Variants in ADAMTS6 observed in about 807,000 individuals in gnomAD.
The protein encoded by ADAMTS6 is ADAM metallopeptidase with thrombospondin type 1 motif 6.
Under a neutral mutation model 144.3 loss-of-function variants are expected in ADAMTS6, and 23 were observed. The observed-to-expected ratio is 0.16, with a 90% confidence interval of 0.11 to 0.23. ADAMTS6 has a LOEUF of 0.23. ADAMTS6 is among the 10% of genes least tolerant of loss of function. The pLI is 1.00. For synonymous variants in ADAMTS6, 444 were observed against 457.5 expected, an observed-to-expected ratio of 0.97 and a Z score of 0.38; for missense variants, 999 against 1,379.6, an observed-to-expected ratio of 0.72 and a Z score of 4.37.
chr5:65,245,368 T>C (rs750710841), intron 14 of ADAMTS6, among the ~76,000 whole-genome samples: 101 of 152,096 alleles, frequency 6.6e-4, no homozygotes, highest in Non-Finnish European at 1.1e-3. Flanking sequence ...AGAAGAATCT[T>C]TTTTGTAGCT....
chr5:65,179,619 C>T (rs1033181476), intron 22 of ADAMTS6, among the ~76,000 whole-genome samples: 6 of 151,796 alleles, frequency 4.0e-5, no homozygotes, highest in South Asian at 2.1e-4. Flanking sequence ...GAAATGAATG[C>T]GGATACTGGT....
intron 21 of ADAMTS6, 82 bp downstream of exon 21, chr5:65,196,940 A>G: frequency 6.7e-7 from 1 of 1,484,310 alleles, no homozygotes; most frequent in Non-Finnish European, 9.0e-7. Flanking sequence ...CTCATCATAT[A>G]AATATATTTC....
At chr5:65,372,589 G>A (rs1383913710) in intron 7 of ADAMTS6, among the ~76,000 whole-genome samples, 3 of 151,552 alleles carry the variant, frequency 2.0e-5, no homozygotes, top group South Asian at 2.1e-4. Context: ...CAATACAGGA[G>A]CACCCAGATT....
chr5:65,284,084 C>G (rs1338733715), intron 11 of ADAMTS6, among the ~76,000 whole-genome samples: 1 of 151,942 alleles, frequency 6.6e-6, no homozygotes, highest in African/African-American at 2.4e-5. Context: ...CCAAAAGACT[C>G]GTACAACTAA....
intron 11 of ADAMTS6, among the ~76,000 whole-genome samples, chr5:65,279,461 C>T (rs1168557343): frequency 6.6e-6 from 1 of 151,996 alleles, no homozygotes; most frequent in Non-Finnish European, 1.5e-5. Context: ...GGATTACAGG[C>T]GCCTGCCACC....
intron 7 of ADAMTS6, among the ~76,000 whole-genome samples, chr5:65,368,463 A>C (rs1750512190): frequency 6.6e-6 from 1 of 152,144 alleles, no homozygotes; most frequent in Non-Finnish European, 1.5e-5. Flanking sequence ...AAAATAGTTA[A>C]CTGAAATACT....
intron 15 of ADAMTS6, among the ~76,000 whole-genome samples, chr5:65,227,403 A>G (rs1757808993): frequency 6.6e-6 from 1 of 152,224 alleles, no homozygotes; most frequent in South Asian, 2.1e-4. Context: ...AGCACAAGAT[A>G]AAGCTACTAT....
intron 7 of ADAMTS6, among the ~76,000 whole-genome samples, chr5:65,398,609 C>G (rs1753554360): frequency 6.6e-6 from 1 of 151,882 alleles, no homozygotes; most frequent in African/African-American, 2.4e-5. Context: ...GCCTGTAATC[C>G]CAGCTACTCA....
In ADAMTS6 at chr5:65,148,789, A is replaced by G. The variant is rs1252824041; in HGVS notation, c.*3047T>C. ...TTACTAAATTATCTATGTCAAAAAAATTCTGTGCCTGGCGTGGAATTTCAC... is the reference window on the plus strand; with the variant it reads ...TTACTAAATTATCTATGTCAAAAAAGTTCTGTGCCTGGCGTGGAATTTCAC... On this transcript the variant is annotated 3_prime_UTR_variant, in exon 25 of 25. Transcript: ENST00000381055. The G allele has an allele frequency of 6.6e-6, 1 of 152,574 alleles. No individual in the cohort carries two copies. The highest frequency in any genetic ancestry group is 1.5e-5 in the Non-Finnish European group (1 of 68,040). The allele number at this position is 152,574 out of a possible 1,614,324, so 9.5% of individuals were successfully genotyped here. A position where few individuals can be genotyped will look rare whatever the true frequency, so the allele number is the denominator to read the frequency against.
chr5:65,445,689 G>C (rs150343859), intron 7 of ADAMTS6, among the ~76,000 whole-genome samples: 54 of 152,202 alleles, frequency 3.5e-4, no homozygotes, highest in Middle Eastern at 3.4e-3. Context: ...AGAAATTAGA[G>C]TTACTCCAGT....
chr5:65,365,401 T>C (rs1294810167), intron 7 of ADAMTS6, among the ~76,000 whole-genome samples: 7 of 152,142 alleles, frequency 4.6e-5, no homozygotes, highest in Non-Finnish European at 1.0e-4. Flanking sequence ...ATCCAAGCAC[T>C]TTGGGAGGCC....
At chr5:65,284,935 A>G (rs1332515543) in intron 11 of ADAMTS6, among the ~76,000 whole-genome samples, 1 of 152,112 alleles carries the variant, frequency 6.6e-6, no homozygotes. Flanking sequence ...AGCACCCTCT[A>G]GTATAAAAAG....
intron 11 of ADAMTS6, among the ~76,000 whole-genome samples, chr5:65,273,932 A>T (rs1762252756): frequency 6.6e-6 from 1 of 152,196 alleles, no homozygotes; most frequent in Non-Finnish European, 1.5e-5. Flanking sequence ...TAATGTATGA[A>T]TTTTTTAAAT....
intron 7 of ADAMTS6, among the ~76,000 whole-genome samples, chr5:65,400,435 C>CT (rs1229008112): frequency 6.6e-6 from 1 of 152,102 alleles, no homozygotes; most frequent in East Asian, 1.9e-4. Flanking sequence ...AGGCTGGTCT[C>CT]TAACTCCTTG....
intron 3 of ADAMTS6, among the ~76,000 whole-genome samples, chr5:65,461,103 A>T (rs1759612877): frequency 6.6e-6 from 1 of 152,212 alleles, no homozygotes; most frequent in Non-Finnish European, 1.5e-5. Context: ...CCTTACTTAC[A>T]GTATTATATC....
chr5:65,280,568 C>T, intron 11 of ADAMTS6, among the ~76,000 whole-genome samples: 1 of 152,108 alleles, frequency 6.6e-6, no homozygotes, highest in African/African-American at 2.4e-5. Flanking sequence ...CATTAATATA[C>T]TAGGAAACAT....
intron 7 of ADAMTS6, among the ~76,000 whole-genome samples, chr5:65,346,608 G>A (rs1030860737): frequency 1.5e-4 from 23 of 151,336 alleles, no homozygotes; most frequent in African/African-American, 5.6e-4. Context: ...AGTCAACATA[G>A]TACTGGAAGT....
intron 10 of ADAMTS6, 67 bp from the exon 11 acceptor site, chr5:65,291,537 C>T (rs577652610): frequency 3.4e-6 from 5 of 1,470,204 alleles, no homozygotes; most frequent in Non-Finnish European, 4.5e-6. Context: ...AATTATGAAA[C>T]CACGTGTTGA....
chr5:65,438,774 AT>A (rs1561542437), intron 7 of ADAMTS6, among the ~76,000 whole-genome samples: 1 of 152,116 alleles, frequency 6.6e-6, no homozygotes, highest in African/African-American at 2.4e-5. Context: ...CATTTAATAC[AT>A]TTTTTATTCA....
Sources: gnomAD v4.1 joint callset for allele counts (sites outside exome capture counted in the v4.1 genomes callset) on GRCh38, gnomAD v4.1.1 for gene constraint, MANE v1.5 for transcripts, NCBI Gene and HGNC (gene_info 2026-07-23, HGNC 2026-07-21) for gene names.